Variants in EPHA6 observed in about 807,000 individuals in gnomAD.
EPHA6 encodes ephrin type-A receptor 6.
Under a neutral mutation model 112.0 loss-of-function variants are expected in EPHA6, and 50 were observed. The ratio of observed to expected loss-of-function variants is 0.45; its 90% CI spans 0.36 to 0.56. The LOEUF is 0.56. EPHA6 is among the 20% of genes least tolerant of loss of function. The pLI is 0.00. For synonymous variants in EPHA6, 529 were observed against 490.7 expected, an observed-to-expected ratio of 1.08 and a Z score of -1.03; for missense variants, 1,280 against 1,417.4, an observed-to-expected ratio of 0.90 and a Z score of 1.56.
At chr3:97,327,426 G>C (rs2082487995) in intron 5 of EPHA6, among the ~76,000 whole-genome samples, 1 of 151,808 alleles carries the variant, frequency 6.6e-6, no homozygotes. Context: ...CATTGACATT[G>C]ATATAATCCA....
chr3:96,955,889 G>GT (rs1359204603), intron 2 of EPHA6, among the ~76,000 whole-genome samples: 3 of 152,256 alleles, frequency 2.0e-5, no homozygotes, highest in South Asian at 2.1e-4. Context: ...TACAAACTAT[G>GT]TTTTTTGTGA....
intron 5 of EPHA6, among the ~76,000 whole-genome samples, chr3:97,375,330 C>G (rs1168185649): frequency 6.6e-6 from 1 of 152,048 alleles, no homozygotes; most frequent in African/African-American, 2.4e-5. Flanking sequence ...GAGAAAATAC[C>G]AGGAAGAAGA....
chr3:97,141,534 A>G (rs1354077731), intron 3 of EPHA6, among the ~76,000 whole-genome samples: 1 of 152,088 alleles, frequency 6.6e-6, no homozygotes, highest in Non-Finnish European at 1.5e-5. Flanking sequence ...CACGAGGAGA[A>G]CACTCAAAAC....
intron 3 of EPHA6, among the ~76,000 whole-genome samples, chr3:97,138,641 G>A (rs1205758104): frequency 6.6e-6 from 1 of 152,178 alleles, no homozygotes; most frequent in African/African-American, 2.4e-5. Context: ...CCCCAGTCCA[G>A]GGGCATGGAG....
chr3:97,559,930 T>A (rs2093165767), intron 11 of EPHA6, among the ~76,000 whole-genome samples: 1 of 151,744 alleles, frequency 6.6e-6, no homozygotes. Flanking sequence ...TAAAATTTAT[T>A]CAGAAAATGT....
At chr3:97,669,595 T>TAAA (rs77846776) in intron 14 of EPHA6, among the ~76,000 whole-genome samples, 21 of 135,826 alleles carry the variant, frequency 1.5e-4, no homozygotes, top group African/African-American at 5.2e-4. Flanking sequence ...TATCCCATCT[T>TAAA]AAAAAAAAAA....
chr3:97,335,968 T>C (rs569476452), intron 5 of EPHA6, among the ~76,000 whole-genome samples: 1 of 152,206 alleles, frequency 6.6e-6, no homozygotes, highest in East Asian at 1.9e-4. Flanking sequence ...AATGAGCCAG[T>C]TTATCAATCT....
At chr3:97,347,306 A>T (rs2083581662) in intron 5 of EPHA6, among the ~76,000 whole-genome samples, 1 of 152,084 alleles carries the variant, frequency 6.6e-6, no homozygotes, top group South Asian at 2.1e-4. Context: ...TGATCTTTTC[A>T]GTATTCAGAT....
intron 3 of EPHA6, among the ~76,000 whole-genome samples, chr3:97,144,380 A>G (rs552413023): frequency 6.6e-6 from 1 of 151,470 alleles, no homozygotes; most frequent in Non-Finnish European, 1.5e-5. Flanking sequence ...GGCTTATAAC[A>G]AAAAGAAAGA....
chr3:97,707,508 A>C (rs1215277156), intron 14 of EPHA6, among the ~76,000 whole-genome samples: 1 of 152,246 alleles, frequency 6.6e-6, no homozygotes, highest in Admixed American at 6.5e-5. Context: ...CATTGGTTTT[A>C]GAAATGAGAA....
At chr3:96,821,829 T>A (rs1412155111) in intron 1 of EPHA6, among the ~76,000 whole-genome samples, 1 of 151,910 alleles carries the variant, frequency 6.6e-6, no homozygotes, top group Non-Finnish European at 1.5e-5. Flanking sequence ...CAACCATAGA[T>A]TTAATATCAG....
chr3:96,874,891 C>T (rs556542789), intron 2 of EPHA6, among the ~76,000 whole-genome samples: 1 of 151,734 alleles, frequency 6.6e-6, no homozygotes, highest in Non-Finnish European at 1.5e-5. Flanking sequence ...AAGTCATGTG[C>T]AAGTAACAGT....
intron 3 of EPHA6, among the ~76,000 whole-genome samples, chr3:97,107,906 G>A (rs548556338): frequency 6.6e-6 from 1 of 152,062 alleles, no homozygotes. Flanking sequence ...GTTTTAAAGT[G>A]AAATTATGTG....
intron 11 of EPHA6, among the ~76,000 whole-genome samples, chr3:97,538,999 C>CTTTCTTT (rs2092802558): frequency 6.8e-6 from 1 of 147,290 alleles, no homozygotes; most frequent in African/African-American, 2.6e-5. Context: ...TTCTTTCTTT[C>CTTTCTTT]TTTCTTTCTT....
chr3:97,347,134 G>A (rs979211134), intron 5 of EPHA6, among the ~76,000 whole-genome samples: 7 of 152,056 alleles, frequency 4.6e-5, no homozygotes, highest in South Asian at 4.1e-4. Flanking sequence ...CCCTTCCTTG[G>A]AGATTAAAGG....
At chr3:97,376,025 A>T (rs927056454) in intron 5 of EPHA6, among the ~76,000 whole-genome samples, 4 of 152,188 alleles carry the variant, frequency 2.6e-5, no homozygotes, top group Non-Finnish European at 5.9e-5. Context: ...TTTATGAAAG[A>T]TCATCAAATT....
At chr3:97,663,890 G>C (rs2094187557) in intron 14 of EPHA6, among the ~76,000 whole-genome samples, 1 of 152,126 alleles carries the variant, frequency 6.6e-6, no homozygotes, top group Non-Finnish European at 1.5e-5. Flanking sequence ...TCTAGTTCTA[G>C]ATCCCCGAGG....
In EPHA6 at chr3:97,687,547, T is replaced by A. The variant is rs577317443; in HGVS notation, c.2785-32714T>A. Reference sequence around the variant, plus strand: ...GACGCTGAGGAGTTATGACAAAAGATCAAGGATCAATTAAGTTATTTTTAT... The same window carrying A: ...GACGCTGAGGAGTTATGACAAAAGAACAAGGATCAATTAAGTTATTTTTAT... On this transcript the variant is annotated intron_variant, in intron 14 of 17. Coordinates refer to ENST00000389672, the MANE Select transcript of EPHA6 (RefSeq NM_001080448.3). 3.3e-5 allele frequency among the ~76,000 whole-genome samples: 5 copies of A among 152,316 alleles called. No homozygotes were observed. The East Asian group carries it at 9.6e-4, about 29-fold the overall frequency.
At chr3:97,556,724 A>T (rs2093115544) in intron 11 of EPHA6, among the ~76,000 whole-genome samples, 2 of 152,058 alleles carry the variant, frequency 1.3e-5, no homozygotes. Context: ...GCAAATCCTG[A>T]GTGCATTTTA....
Sources: gnomAD v4.1 joint callset for allele counts (sites outside exome capture counted in the v4.1 genomes callset) on GRCh38, gnomAD v4.1.1 for gene constraint, MANE v1.5 for transcripts, NCBI Gene and HGNC (gene_info 2026-07-23, HGNC 2026-07-21) for gene names.